The following SEMA5B variants were observed in gnomAD, a reference collection of about 807,000 sequenced individuals.
The protein encoded by SEMA5B is semaphorin-5B.
SEMA5B carries 66 observed loss-of-function variants against 135.0 expected under a neutral mutation model. The observed-to-expected ratio is 0.49, with a 90% CI of 0.40 to 0.60. The LOEUF is 0.60. SEMA5B is among the 20% of genes least tolerant of loss of function. The probability of loss-of-function intolerance (pLI) is 0.00; values close to 1 mark genes in which losing one functional copy is unlikely to be tolerated. For missense variants in SEMA5B, 1,501 were observed against 1,566.3 expected, an observed-to-expected ratio of 0.96 and a Z score of 0.70; for synonymous variants, 690 against 639.5, an observed-to-expected ratio of 1.08 and a Z score of -1.19.
chr3:122,953,984 C>T (rs1940171038), intron 2 of SEMA5B, among the ~76,000 whole-genome samples: 1 of 152,190 alleles, frequency 6.6e-6, no homozygotes, highest in South Asian at 2.1e-4. Context: ...GTGTGAACCC[C>T]CAAGGTCAAG....
chr3:122,940,079 C>T (rs1012908677), intron 4 of SEMA5B, among the ~76,000 whole-genome samples: 1 of 152,150 alleles, frequency 6.6e-6, no homozygotes, highest in East Asian at 1.9e-4. Flanking sequence ...TCCTCTAACC[C>T]AAACGACCCC....
At chr3:122,956,092 G>T (rs964680396) in intron 2 of SEMA5B, among the ~76,000 whole-genome samples, 2 of 152,234 alleles carry the variant, frequency 1.3e-5, no homozygotes, top group African/African-American at 2.4e-5. Context: ...GCCCTGCCTC[G>T]GGCCTGCTTG....
chr3:122,932,576 A>G (rs868006362), intron 5 of SEMA5B, among the ~76,000 whole-genome samples: 1 of 152,168 alleles, frequency 6.6e-6, no homozygotes, highest in African/African-American at 2.4e-5. Context: ...GAACTGCCTC[A>G]TCATGGGAAC....
intron 1 of SEMA5B, chr3:122,976,092 C>A (rs1405628791): frequency 1.3e-6 from 2 of 1,535,336 alleles, no homozygotes; most frequent in Non-Finnish European, 1.7e-6. Context: ...CCTCACGCAG[C>A]CAATGGCTTC....
intron 1 of SEMA5B, among the ~76,000 whole-genome samples, chr3:123,021,552 A>T (rs1455282165): frequency 6.6e-6 from 1 of 152,188 alleles, no homozygotes; most frequent in Non-Finnish European, 1.5e-5. Flanking sequence ...TATTCCTAAC[A>T]GGGGGGCTCT....
intron 1 of SEMA5B, among the ~76,000 whole-genome samples, chr3:123,019,191 G>T (rs1942623733): frequency 6.6e-6 from 1 of 152,216 alleles, no homozygotes; most frequent in East Asian, 1.9e-4. Context: ...GTGGTTAAAT[G>T]TGTAGGCTCT....
At chr3:122,914,506 G>T (rs1165988546) in intron 14 of SEMA5B, among the ~76,000 whole-genome samples, 2 of 152,190 alleles carry the variant, frequency 1.3e-5, no homozygotes, top group African/African-American at 4.8e-5. Flanking sequence ...GAAACCCTGG[G>T]CAAGTTACTA....
chr3:122,987,851 T>G (rs1941749803), intron 1 of SEMA5B, among the ~76,000 whole-genome samples: 3 of 152,196 alleles, frequency 2.0e-5, no homozygotes, highest in Non-Finnish European at 2.9e-5. Flanking sequence ...GAAATTTATT[T>G]TTTTTTTCAA....
At chr3:123,005,860 C>G (rs1241716915) in intron 1 of SEMA5B, among the ~76,000 whole-genome samples, 1 of 152,194 alleles carries the variant, frequency 6.6e-6, no homozygotes, top group African/African-American at 2.4e-5. Flanking sequence ...CCCACCAATT[C>G]CTGTAACCTT....
chr3:123,015,242 C>G (rs960198260), intron 1 of SEMA5B, among the ~76,000 whole-genome samples: 1 of 152,092 alleles, frequency 6.6e-6, no homozygotes, highest in Non-Finnish European at 1.5e-5. Context: ...TTACAGCTGC[C>G]CTAGAAAACT....
chr3:122,947,505 G>A (rs139752745), intron 3 of SEMA5B, among the ~76,000 whole-genome samples: 69 of 152,236 alleles, frequency 4.5e-4, no homozygotes, highest in Non-Finnish European at 9.0e-4. Context: ...ATGGGGCTCC[G>A]CATGTCCTCC....
intron 1 of SEMA5B, chr3:122,976,065 A>G (rs1460559172): frequency 9.8e-6 from 15 of 1,535,188 alleles, no homozygotes; most frequent in South Asian, 2.4e-5. Context: ...CAGCTCATCT[A>G]TGAAGCTCCT....
At chr3:122,961,350 C>CA (rs1940572120) in intron 1 of SEMA5B, 49 bp from the exon 2 acceptor site, 1 of 1,555,964 alleles carries the variant, frequency 6.4e-7, no homozygotes. Flanking sequence ...ATGAACCAGG[C>CA]AAAAGAGATG....
At chr3:122,939,735 T>C (rs1939470221) in intron 4 of SEMA5B, among the ~76,000 whole-genome samples, 1 of 152,150 alleles carries the variant, frequency 6.6e-6, no homozygotes, top group African/African-American at 2.4e-5. Context: ...GGAGTTAGGA[T>C]TGAAACCCAG....
chr3:122,942,629 C>T (rs946062688), intron 4 of SEMA5B, among the ~76,000 whole-genome samples: 3 of 152,226 alleles, frequency 2.0e-5, no homozygotes, highest in African/African-American at 7.2e-5. Flanking sequence ...CTGCTACCGC[C>T]TGTTTAAAAT....
At chr3:122,926,242 C>T in intron 9 of SEMA5B, 150 bp downstream of exon 9, 1 of 744,230 alleles carries the variant, frequency 1.3e-6, no homozygotes, top group Non-Finnish European at 2.2e-6. Flanking sequence ...CACGAGCTTA[C>T]CGCTCCAGAA....
At chr3:122,944,979 GAGAGAGAGAGAGATAGAGAGAGAGGC>G (rs1448522022) in intron 3 of SEMA5B, among the ~76,000 whole-genome samples, 1 of 151,430 alleles carries the variant, frequency 6.6e-6, no homozygotes, top group East Asian at 1.9e-4. Context: ...GAAGGGCCAG[GAGAGAGAGAGAGATAGAGAGAGAGGC>G]AGAGAGAGAG....
chr3:122,916,202 C>T (rs558482581), intron 12 of SEMA5B, among the ~76,000 whole-genome samples: 6 of 152,208 alleles, frequency 3.9e-5, no homozygotes, highest in Admixed American at 2.6e-4. Flanking sequence ...TTAAAAGAGA[C>T]GGCACTGCTT....
intron 1 of SEMA5B, among the ~76,000 whole-genome samples, chr3:123,015,587 C>G (rs1453612167): frequency 1.3e-5 from 2 of 152,140 alleles, no homozygotes; most frequent in African/African-American, 2.4e-5. Flanking sequence ...CATCAACTTC[C>G]AATGTTTGAA....
Sources: gnomAD v4.1 joint callset for allele counts (sites outside exome capture counted in the v4.1 genomes callset) on GRCh38, gnomAD v4.1.1 for gene constraint, MANE v1.5 for transcripts, NCBI Gene and HGNC (gene_info 2026-07-23, HGNC 2026-07-21) for gene names.